The following SMAD3 variants were observed in gnomAD, a reference collection of about 807,000 sequenced individuals.
The protein encoded by SMAD3 is SMAD family member 3.
In SMAD3, 12 loss-of-function variants were observed where a neutral mutation model predicts 51.8. That is an observed-to-expected ratio of 0.23 (90% CI 0.15 to 0.38). The LOEUF is 0.38. Ranked by LOEUF, SMAD3 falls within the 10% of genes least tolerant of loss-of-function variation. The pLI, the probability that SMAD3 is intolerant of heterozygous loss-of-function variation, is 1.00. For synonymous variants in SMAD3, 238 were observed against 227.7 expected (o/e 1.05, Z -0.41); for missense variants, 294 against 565.6 (o/e 0.52, Z 4.87).
intron 1 of SMAD3, among the ~76,000 whole-genome samples, chr15:67,108,813 G>T (rs953202587): frequency 2.6e-5 from 4 of 151,994 alleles, no homozygotes; most frequent in Non-Finnish European, 5.9e-5. Context: ...TGTGGTTTAT[G>T]ACTTAGTAGA....
chr15:67,190,325 C>A, intron 8 of SMAD3, 88 bp from the exon 9 acceptor site: 1 of 1,262,462 alleles, frequency 7.9e-7, no homozygotes, highest in Non-Finnish European at 1.2e-6. Context: ...AGATGACTGT[C>A]ACCAAAGCAG....
At chr15:67,185,610 G>C (rs78681896) in intron 7 of SMAD3, among the ~76,000 whole-genome samples, 252 of 152,232 alleles carry the variant, frequency 1.7e-3, no homozygotes, top group African/African-American at 5.7e-3. Flanking sequence ...GAACTGCTGA[G>C]GGTTTTCTGA....
intron 1 of SMAD3, among the ~76,000 whole-genome samples, chr15:67,072,727 G>A (rs918465985): frequency 1.3e-5 from 2 of 152,178 alleles, no homozygotes; most frequent in Non-Finnish European, 2.9e-5. Flanking sequence ...CCTCCCTAAG[G>A]AGGGGTATGA....
intron 1 of SMAD3, among the ~76,000 whole-genome samples, chr15:67,127,871 G>A (rs74889847): frequency 0.013 from 2,006 of 152,328 alleles, 44 homozygotes; most frequent in African/African-American, 0.046. Flanking sequence ...AAGTGGTAGG[G>A]AGACTATCAA....
At chr15:67,088,190 A>C (rs1960434634) in intron 1 of SMAD3, among the ~76,000 whole-genome samples, 1 of 152,216 alleles carries the variant, frequency 6.6e-6, no homozygotes, top group African/African-American at 2.4e-5. Context: ...TGTAGTCCCA[A>C]ACCTGGGACT....
chr15:67,077,078 A>G (rs1009193966), intron 1 of SMAD3, among the ~76,000 whole-genome samples: 2 of 152,198 alleles, frequency 1.3e-5, no homozygotes, highest in African/African-American at 4.8e-5. Context: ...CCTAAACTCA[A>G]ACCTGGACTT....
intron 1 of SMAD3, among the ~76,000 whole-genome samples, chr15:67,133,459 C>T (rs2140255338): frequency 6.6e-6 from 1 of 151,924 alleles, no homozygotes. Flanking sequence ...TTCTGTTTGC[C>T]TCTAAAAACA....
chr15:67,100,651 T>C (rs1420567005), intron 1 of SMAD3, among the ~76,000 whole-genome samples: 1 of 152,140 alleles, frequency 6.6e-6, no homozygotes, highest in Non-Finnish European at 1.5e-5. Context: ...TTAATATATA[T>C]TAAAATCAAA....
At chr15:67,144,776 A>T (rs1453088317) in intron 1 of SMAD3, among the ~76,000 whole-genome samples, 1 of 152,146 alleles carries the variant, frequency 6.6e-6, no homozygotes, top group Admixed American at 6.5e-5. Context: ...TTGTGGCCTG[A>T]TGCACGTTTC....
At chr15:67,190,392 C>G (rs774872377) in intron 8 of SMAD3, 21 bp from the exon 9 acceptor site, 1 of 1,612,918 alleles carries the variant, frequency 6.2e-7, no homozygotes, top group South Asian at 1.1e-5. Flanking sequence ...CCCACCCCAC[C>G]CCTTTCCCTA....
chr15:67,184,698 C>G (rs1264486560), intron 6 of SMAD3, 29 bp from the exon 7 acceptor site: 1 of 1,613,454 alleles, frequency 6.2e-7, no homozygotes, highest in African/African-American at 1.3e-5. Flanking sequence ...GCAAAGGCAC[C>G]CTGTCCAGTC....
rs1183017830 is a variant in SMAD3, at chr15:67,194,127, G to C, written c.*3591G>C. ...ACCCTGTTTCTTACTGTGTGACTTGGCTAGAGTTGGGAGTTCCCCCAAAAT... is the reference window on the plus strand; with the variant it reads ...ACCCTGTTTCTTACTGTGTGACTTGCCTAGAGTTGGGAGTTCCCCCAAAAT... On this transcript the variant is annotated 3_prime_UTR_variant, in exon 9 of 9. Coordinates refer to ENST00000327367, the MANE Select transcript of SMAD3 (RefSeq NM_005902.4). 4.3e-6 allele frequency: 1 copy of C among 233,410 alleles called. No homozygotes were observed. The highest frequency in any genetic ancestry group is 8.5e-6 in the Non-Finnish European group (1 of 118,126). The allele number at this position is 233,410 out of a possible 1,614,324, so 14.5% of individuals were successfully genotyped here.
At chr15:67,134,916 A>G (rs1168100760) in intron 1 of SMAD3, among the ~76,000 whole-genome samples, 1 of 152,254 alleles carries the variant, frequency 6.6e-6, no homozygotes, top group African/African-American at 2.4e-5. Context: ...TAAAGAGGCA[A>G]TGTTTGATGA....
At chr15:67,088,257 C>A (rs1265527545) in intron 1 of SMAD3, among the ~76,000 whole-genome samples, 1 of 152,130 alleles carries the variant, frequency 6.6e-6, no homozygotes, top group African/African-American at 2.4e-5. Context: ...TTACTTGATG[C>A]TAAACGGCTT....
intron 1 of SMAD3, among the ~76,000 whole-genome samples, chr15:67,152,795 A>G (rs1962181201): frequency 2.0e-5 from 3 of 152,182 alleles, no homozygotes; most frequent in Admixed American, 2.0e-4. Flanking sequence ...CTGACACTCA[A>G]GAAAAAGCAA....
intron 8 of SMAD3, among the ~76,000 whole-genome samples, chr15:67,189,081 C>T (rs1963295894): frequency 6.6e-6 from 1 of 152,168 alleles, no homozygotes; most frequent in Admixed American, 6.5e-5. Flanking sequence ...ATGTTTTAAG[C>T]AATCTTTTAG....
At chr15:67,080,906 C>T (rs1465505661) in intron 1 of SMAD3, among the ~76,000 whole-genome samples, 1 of 152,164 alleles carries the variant, frequency 6.6e-6, no homozygotes, top group African/African-American at 2.4e-5. Context: ...TTCTCTTGCC[C>T]CAGATAATTT....
rs1257898497 is a variant in SMAD3, at chr15:67,190,660, AG to A, written c.*128del. On this transcript the variant is annotated 3_prime_UTR_variant, in exon 9 of 9. Coordinates refer to ENST00000327367, the MANE Select transcript of SMAD3 (RefSeq NM_005902.4). Reference sequence around the variant, plus strand: ...GAAGAAATCTTTCTCCCTCAACTGAAGGGGTGCACCCACCTGTTTTCTGAAA... The same window carrying A: ...GAAGAAATCTTTCTCCCTCAACTGAAGGGTGCACCCACCTGTTTTCTGAAA... 2 of 1,023,048 alleles carry A rather than the reference AG, an allele frequency of 2.0e-6. No homozygotes were observed. Among genetic ancestry groups the A allele is most frequent in the African/African-American group, 3.2e-5 (2 of 63,366 alleles). 63.4% of individuals were successfully genotyped at this position (1,023,048 alleles called of 1,614,324 possible). A position where few individuals can be genotyped will look rare whatever the true frequency, so the allele number is the denominator to read the frequency against.
At chr15:67,148,913 G>A (rs373003634) in intron 1 of SMAD3, among the ~76,000 whole-genome samples, 2 of 152,330 alleles carry the variant, frequency 1.3e-5, no homozygotes, top group East Asian at 3.9e-4. Flanking sequence ...GCAAAGTTAA[G>A]CTAGGTTTCC....
Sources: allele counts gnomAD v4.1 joint callset (sites outside exome capture counted in the v4.1 genomes callset), GRCh38; gene constraint gnomAD v4.1.1; transcripts MANE v1.5; gene names NCBI Gene and HGNC (gene_info 2026-07-23, HGNC 2026-07-21).